TCF4: variants seen among roughly 807,000 people sequenced by gnomAD.
TCF4 encodes the protein transcription factor 4.
TCF4 carries 3 observed loss-of-function variants against 82.1 expected under a neutral mutation model. That is an observed-to-expected ratio of 0.04 (90% CI 0.02 to 0.09). The LOEUF is 0.09. Among genes scored for constraint, TCF4 ranks in the 10% least tolerant of loss-of-function variants. TCF4 has a pLI of 1.00. For missense variants in TCF4, 518 were observed against 852.7 expected (o/e 0.61, Z 4.89); for synonymous variants, 276 against 309.6 (o/e 0.89, Z 1.14).
chr18:55,351,030 C>T (rs1310089769), intron 6 of TCF4, 27 bp from the exon 7 acceptor site: 3 of 1,612,638 alleles, frequency 1.9e-6, no homozygotes, highest in African/African-American at 1.3e-5. Context: ...GGAAAACAAA[C>T]ATATAAGGTT....
intron 3 of TCF4, among the ~76,000 whole-genome samples, chr18:55,473,457 T>C (rs1199766824): frequency 6.6e-6 from 1 of 152,184 alleles, no homozygotes; most frequent in African/African-American, 2.4e-5. Flanking sequence ...GTCAATAGTT[T>C]TACATATTCA....
At chr18:55,275,895 A>T (rs1477554338) in intron 9 of TCF4, 143 bp from the exon 10 acceptor site, 7 of 1,048,092 alleles carry the variant, frequency 6.7e-6, no homozygotes, top group Non-Finnish European at 1.0e-5. Flanking sequence ...GAAGACAGTC[A>T]TCATTTCTTC....
chr18:55,314,568 T>TA (rs35480166), intron 8 of TCF4, among the ~76,000 whole-genome samples: 73,658 of 143,834 alleles, frequency 0.51, 20,557 homozygotes, highest in African/African-American at 0.78. Flanking sequence ...TTATTCTCCT[T>TA]AAAAAAAAAA....
intron 5 of TCF4, among the ~76,000 whole-genome samples, chr18:55,411,327 C>T (rs1437691083): frequency 6.6e-6 from 1 of 152,140 alleles, no homozygotes; most frequent in African/African-American, 2.4e-5. Flanking sequence ...GATGCCTACC[C>T]TATCTTATAT....
chr18:55,434,763 C>CATGT, intron 5 of TCF4, among the ~76,000 whole-genome samples: 1 of 131,784 alleles, frequency 7.6e-6, no homozygotes. Context: ...CTCAAGTATT[C>CATGT]GTGTGTGTGT....
intron 5 of TCF4, among the ~76,000 whole-genome samples, chr18:55,412,620 T>C (rs1357402936): frequency 1.3e-5 from 2 of 152,166 alleles, no homozygotes; most frequent in African/African-American, 4.8e-5. Context: ...TGTGGAGGCA[T>C]GACAAGTCCA....
chr18:55,238,594 TA>T (rs2144842814), intron 15 of TCF4, among the ~76,000 whole-genome samples: 2 of 152,306 alleles, frequency 1.3e-5, no homozygotes, highest in South Asian at 4.1e-4. Context: ...TTTGTTCAAA[TA>T]AAAGATTTAT....
chr18:55,481,596 T>C (rs550537174), intron 3 of TCF4, among the ~76,000 whole-genome samples: 10 of 152,346 alleles, frequency 6.6e-5, no homozygotes, highest in Non-Finnish European at 1.0e-4. Flanking sequence ...GATATTCCCA[T>C]GAAGACAGAA....
At chr18:55,236,597 T>C (rs985329199) in intron 15 of TCF4, among the ~76,000 whole-genome samples, 2 of 152,302 alleles carry the variant, frequency 1.3e-5, no homozygotes, top group East Asian at 3.9e-4. Context: ...ATATTTTAAT[T>C]TTTATTCAGA....
chr18:55,529,740 G>C (rs1446425941), intron 3 of TCF4, among the ~76,000 whole-genome samples: 1 of 152,120 alleles, frequency 6.6e-6, no homozygotes, highest in Non-Finnish European at 1.5e-5. Flanking sequence ...CATTTCTAAA[G>C]GGAAGTAAAT....
At chr18:55,333,058 CT>C (rs2077905795) in intron 8 of TCF4, among the ~76,000 whole-genome samples, 1 of 152,090 alleles carries the variant, frequency 6.6e-6, no homozygotes, top group East Asian at 1.9e-4. Context: ...TAAATAAAAC[CT>C]TTCAACATTC....
intron 2 of TCF4, among the ~76,000 whole-genome samples, chr18:55,608,325 T>C (rs2097704004): frequency 6.6e-6 from 1 of 151,082 alleles, no homozygotes; most frequent in Non-Finnish European, 1.5e-5. Context: ...TAAAGATTTA[T>C]AATGCAGGGA....
intron 2 of TCF4, among the ~76,000 whole-genome samples, chr18:55,600,345 T>C (rs1206831819): frequency 6.6e-6 from 1 of 152,212 alleles, no homozygotes; most frequent in Non-Finnish European, 1.5e-5. Flanking sequence ...ACCAGCAATG[T>C]ATGAGATGAA....
chr18:55,435,483 T>C (rs1042876279), intron 5 of TCF4, among the ~76,000 whole-genome samples: 2 of 152,222 alleles, frequency 1.3e-5, no homozygotes, highest in Non-Finnish European at 2.9e-5. Flanking sequence ...AGGGCAGGCA[T>C]TATTTTCTGC....
At chr18:55,532,109 A>G (rs1030074786) in intron 3 of TCF4, among the ~76,000 whole-genome samples, 5 of 152,226 alleles carry the variant, frequency 3.3e-5, no homozygotes, top group Non-Finnish European at 5.9e-5. Flanking sequence ...AGGAGTAAGC[A>G]CAGAGAAGTG....
chr18:55,560,213 C>T (rs1486109298), intron 3 of TCF4, among the ~76,000 whole-genome samples: 1 of 152,100 alleles, frequency 6.6e-6, no homozygotes, highest in Admixed American at 6.6e-5. Flanking sequence ...CCATGATGAT[C>T]CAGAAATACA....
intron 5 of TCF4, chr18:55,422,646 A>C (rs2094817348): frequency 4.1e-6 from 1 of 245,526 alleles, no homozygotes; most frequent in Non-Finnish European, 6.5e-6. Flanking sequence ...TTCTTCCCTG[A>C]AAAGTTGGCA....
At chr18:55,613,853 A>G (rs1232758904) in intron 2 of TCF4, among the ~76,000 whole-genome samples, 1 of 152,158 alleles carries the variant, frequency 6.6e-6, no homozygotes, top group African/African-American at 2.4e-5. Context: ...ACCATAGCAT[A>G]TTTCACTGCA....
chr18:55,373,952 C>T (rs1284486105), intron 6 of TCF4, among the ~76,000 whole-genome samples: 1 of 151,226 alleles, frequency 6.6e-6, no homozygotes, highest in Non-Finnish European at 1.5e-5. Flanking sequence ...TGCCATTTCC[C>T]CACTCAGAAT....
Sources: gnomAD v4.1 joint callset for allele counts (sites outside exome capture counted in the v4.1 genomes callset) on GRCh38, gnomAD v4.1.1 for gene constraint, MANE v1.5 for transcripts, NCBI Gene and HGNC (gene_info 2026-07-23, HGNC 2026-07-21) for gene names.